The following TPH1 variants were observed in gnomAD, a reference collection of about 807,000 sequenced individuals.
TPH1 encodes tryptophan 5-hydroxylase 1.
TPH1 carries 37 observed loss-of-function variants against 49.5 expected under a neutral mutation model. The observed-to-expected ratio is 0.75, with a 90% confidence interval of 0.58 to 0.98. The LOEUF is 0.98. Ranked by LOEUF, TPH1 falls within the 50% of genes least tolerant of loss-of-function variation. The probability of loss-of-function intolerance (pLI) is 0.00; values close to 1 mark genes in which losing one functional copy is unlikely to be tolerated. For missense variants in TPH1, 487 were observed against 523.6 expected, an observed-to-expected ratio of 0.93 and a Z score of 0.68; for synonymous variants, 160 against 182.1, an observed-to-expected ratio of 0.88 and a Z score of 0.98.
At chr11:18,031,758 G>T (rs1285267501) in intron 4 of TPH1, among the ~76,000 whole-genome samples, 1 of 152,088 alleles carries the variant, frequency 6.6e-6, no homozygotes, top group African/African-American at 2.4e-5. Context: ...TGCTCATATT[G>T]TTCCCTCCTG....
Position 18,026,552 on chromosome 11 carries a change from A to G in TPH1, c.741T>C (p.Phe247=), listed in dbSNP as rs374440276. 9.3e-6 allele frequency: 15 copies of G among 1,614,050 alleles called. No homozygotes were observed. In the African/African-American group the frequency reaches 2.0e-4, roughly 22 times the overall value. Residue 247 remains phenylalanine (F), a synonymous_variant, in exon 7 of 11, where the codon TTT becomes TTC. Coordinates refer to ENST00000682019, the MANE Select transcript of TPH1 (RefSeq NM_004179.3). ...CATATTGAGTGCAGTGAAAAACTCG[A>G]AAGGCTAAACCTGATAAGAAATCTC... ...SPRDFLSGLA[F]RVFHCTQYVR...
At position 18,045,483 on chromosome 11, in the gene TPH1, T is replaced by C. The variant is rs74326467; in HGVS notation, c.-27+758A>G. On this transcript the variant is annotated intron_variant, in intron 1 of 10. Transcript: ENST00000682019. ...TTGATATTAGAATTCCACCCCCCCCTTTTTTTTTTAACTAACAGGCACAAA... is the reference window on the plus strand; with the variant it reads ...TTGATATTAGAATTCCACCCCCCCCCTTTTTTTTTAACTAACAGGCACAAA... 1.0e-3 allele frequency among the ~76,000 whole-genome samples: 141 copies of C among 135,060 alleles called. 2 individuals are homozygous for C. The highest frequency in any genetic ancestry group is 3.5e-3 in the Middle Eastern group (1 of 286). The allele number at this position is 135,060 out of a possible 152,430, so 88.6% of individuals were successfully genotyped here.
chr11:18,022,156 T>C (rs1251292837), intron 10 of TPH1, among the ~76,000 whole-genome samples: 1 of 152,228 alleles, frequency 6.6e-6, no homozygotes, highest in African/African-American at 2.4e-5. Context: ...CTTTTCCTAC[T>C]ACTTCTGTCT....
intron 8 of TPH1, among the ~76,000 whole-genome samples, chr11:18,024,667 C>T (rs1174346963): frequency 6.6e-6 from 1 of 152,186 alleles, no homozygotes; most frequent in African/African-American, 2.4e-5. Flanking sequence ...CTGCCTGTTA[C>T]ATTAAAATCC....
chr11:18,029,081 C>CAAAAAAAA (rs368358256), intron 6 of TPH1, 84 bp downstream of exon 6: 25 of 540,776 alleles, frequency 4.6e-5, no homozygotes, highest in Admixed American at 1.4e-4. Flanking sequence ...GACTCTGTCT[C>CAAAAAAAA]AAAAAAAAAA....
At chr11:18,038,105 AG>A (rs1302867046) in intron 2 of TPH1, among the ~76,000 whole-genome samples, 3 of 152,242 alleles carry the variant, frequency 2.0e-5, no homozygotes, top group African/African-American at 7.2e-5. Context: ...GGCCATCGGA[AG>A]GGGAGTTGTG....
intron 9 of TPH1, 42 bp downstream of exon 9, chr11:18,023,846 G>C: frequency 6.8e-7 from 1 of 1,468,668 alleles, no homozygotes; most frequent in Non-Finnish European, 9.5e-7. Context: ...TATCAATTAT[G>C]TTAGGTGAAT....
Position 18,019,568 on chromosome 11 carries a change from G to T in TPH1, c.*1423C>A. The T allele has an allele frequency of 2.2e-6, 1 of 448,264 alleles. No individual in the cohort carries two copies. 27.8% of individuals were successfully genotyped at this position (448,264 alleles called of 1,614,324 possible). On this transcript the variant is annotated 3_prime_UTR_variant, in exon 11 of 11. Coordinates refer to ENST00000682019, the MANE Select transcript of TPH1 (RefSeq NM_004179.3). ...TACATAGACATCCAGGAGTTCGTTG[G>T]AATTAAGGGGCAAAAAAATTCAAGA...
At chr11:18,028,926 G>T (rs1209384454) in intron 6 of TPH1, among the ~76,000 whole-genome samples, 2 of 151,982 alleles carry the variant, frequency 1.3e-5, no homozygotes, top group African/African-American at 4.8e-5. Context: ...TTAGCAGGGT[G>T]TGGTGGCAGG....
At chr11:18,021,294 C>G (rs1854359134) in intron 10 of TPH1, 129 bp from the exon 11 acceptor site, 1 of 867,746 alleles carries the variant, frequency 1.2e-6, no homozygotes, top group African/African-American at 1.6e-5. Context: ...TACAACCAAT[C>G]TGACCTACTT....
intron 2 of TPH1, 32 bp downstream of exon 2, chr11:18,040,614 G>T (rs1204592133): frequency 5.0e-6 from 8 of 1,591,280 alleles, no homozygotes; most frequent in Non-Finnish European, 6.9e-6. Flanking sequence ...ATTTCTAGAA[G>T]AATTCTGTGC....
At chr11:18,045,920 AC>A (rs1326351817) in intron 1 of TPH1, among the ~76,000 whole-genome samples, 1 of 152,032 alleles carries the variant, frequency 6.6e-6, no homozygotes, top group Non-Finnish European at 1.5e-5. Context: ...CTTGGGTTGG[AC>A]TCTGGACCCC....
Position 18,022,930 on chromosome 11 carries a change from T to C in TPH1, c.1028A>G (p.His343Arg), listed in dbSNP as rs757903396. 5 of 1,613,220 alleles carry C rather than the reference T, an allele frequency of 3.1e-6. No individual in the cohort carries two copies. In the South Asian group the frequency reaches 4.4e-5, roughly 14 times the overall value. Reference sequence around the variant, plus strand: ...TACTTTGGCATGTCCAGAAAGTGCATGCTAGAAGACAAAGAGTCAGTGAAT... The same window carrying C: ...TACTTTGGCATGTCCAGAAAGTGCACGCTAGAAGACAAAGAGTCAGTGAAT... ...GLLSSISELKHALSGHAKVKP... is the reference protein window; with the variant it reads ...GLLSSISELKRALSGHAKVKP... The change falls in exon 10 of 11, where the codon CAT becomes CGT. Residue 343 changes from histidine (H) to arginine (R), a missense_variant and splice_region_variant. Physicochemically the swap from His to Arg is conservative, Grantham distance 29. Transcript: ENST00000682019.
intron 9 of TPH1, 99 bp from the exon 10 acceptor site, chr11:18,023,030 A>T (rs547652088): frequency 1.5e-4 from 195 of 1,274,400 alleles, no homozygotes; most frequent in Non-Finnish European, 2.0e-4. Flanking sequence ...TTACTAATGC[A>T]ATGGCCCCAA....
At chr11:18,033,952 G>A (rs915428411) in intron 3 of TPH1, among the ~76,000 whole-genome samples, 7 of 151,962 alleles carry the variant, frequency 4.6e-5, no homozygotes, top group Non-Finnish European at 8.8e-5. Flanking sequence ...CATCCTTCAA[G>A]ACCCAAATCT....
At chr11:18,030,585 T>A (rs980551939) in intron 4 of TPH1, among the ~76,000 whole-genome samples, 1 of 152,166 alleles carries the variant, frequency 6.6e-6, no homozygotes, top group East Asian at 1.9e-4. Flanking sequence ...AAAACAGATA[T>A]GAACAAAGCA....
chr11:18,026,415 A>G, intron 7 of TPH1, 75 bp downstream of exon 7: 1 of 1,264,656 alleles, frequency 7.9e-7, no homozygotes. Context: ...AAAAAAAAAA[A>G]AAGAACCCAT....
At chr11:18,023,217 G>C (rs941151024) in intron 9 of TPH1, 4 of 387,388 alleles carry the variant, frequency 1.0e-5, no homozygotes, top group African/African-American at 8.2e-5. Flanking sequence ...CCTGTATTAT[G>C]GCACCTACTT....
intron 2 of TPH1, among the ~76,000 whole-genome samples, chr11:18,036,486 A>G (rs2134032874): frequency 6.6e-6 from 1 of 152,328 alleles, no homozygotes; most frequent in Admixed American, 6.5e-5. Context: ...TAGTTTTCAA[A>G]AAGTGATACC....
Sources: gnomAD v4.1 joint callset for allele counts (sites outside exome capture counted in the v4.1 genomes callset) on GRCh38, gnomAD v4.1.1 for gene constraint, MANE v1.5 for transcripts, NCBI Gene and HGNC (gene_info 2026-07-23, HGNC 2026-07-21) for gene names.